The following UBXN4 variants were observed in gnomAD, a reference collection of about 807,000 sequenced individuals.
UBXN4 encodes the protein UBX domain protein 4.
Under a neutral mutation model 66.2 loss-of-function variants are expected in UBXN4, and 35 were observed. That is an observed-to-expected ratio of 0.53 (90% CI 0.40 to 0.70). UBXN4 has a LOEUF of 0.70. Ranked by LOEUF, UBXN4 falls within the 30% of genes least tolerant of loss-of-function variation. The pLI is 0.00. For missense variants in UBXN4, 533 were observed against 599.8 expected (o/e 0.89, Z 1.16); for synonymous variants, 203 against 204.5 (o/e 0.99, Z 0.06).
At chr2:135,773,002 A>G (rs1164983161) in intron 9 of UBXN4, among the ~76,000 whole-genome samples, 1 of 131,744 alleles carries the variant, frequency 7.6e-6, no homozygotes, top group African/African-American at 2.9e-5. Context: ...GCGCCACTGC[A>G]CTCCAGCCTG....
intron 2 of UBXN4, among the ~76,000 whole-genome samples, chr2:135,750,894 C>T (rs1471100919): frequency 5.4e-5 from 6 of 111,996 alleles, no homozygotes; most frequent in East Asian, 3.1e-4. Flanking sequence ...CTTGCTCTGT[C>T]GCCCAGGCTG....
At chr2:135,781,688 G>A (rs2077449636) in intron 12 of UBXN4, among the ~76,000 whole-genome samples, 2 of 152,210 alleles carry the variant, frequency 1.3e-5, no homozygotes. Flanking sequence ...GCTCAAACAA[G>A]GCTGAATCTT....
At chr2:135,743,944 G>A (rs1284369515) in intron 1 of UBXN4, among the ~76,000 whole-genome samples, 1 of 152,136 alleles carries the variant, frequency 6.6e-6, no homozygotes. Context: ...ACTCTTGAAT[G>A]TTTGCAGGAA....
intron 1 of UBXN4, 83 bp from the exon 2 acceptor site, chr2:135,748,184 T>G (rs1443957559): frequency 1.5e-5 from 16 of 1,057,958 alleles, no homozygotes; most frequent in Non-Finnish European, 2.1e-5. Flanking sequence ...TATATTTTAT[T>G]TGAGGTTTCC....
At chr2:135,767,862 A>G (rs2077357605) in intron 6 of UBXN4, among the ~76,000 whole-genome samples, 1 of 152,202 alleles carries the variant, frequency 6.6e-6, no homozygotes. Flanking sequence ...CTTAGCAGTT[A>G]AGACATGTCA....
chr2:135,777,516 CCT>C (rs1253179289), intron 10 of UBXN4, among the ~76,000 whole-genome samples: 3 of 152,140 alleles, frequency 2.0e-5, no homozygotes, highest in Admixed American at 1.3e-4. Context: ...CAATGTGTCC[CCT>C]GTCCTGAGTT....
At chr2:135,770,792 A>G in intron 8 of UBXN4, 57 bp downstream of exon 8, 1 of 1,396,142 alleles carries the variant, frequency 7.2e-7, no homozygotes, top group Non-Finnish European at 9.3e-7. Flanking sequence ...CAGTAGCTTT[A>G]GATTACTACC....
At chr2:135,744,532 T>C (rs1009030240) in intron 1 of UBXN4, among the ~76,000 whole-genome samples, 1 of 152,174 alleles carries the variant, frequency 6.6e-6, no homozygotes, top group Admixed American at 6.5e-5. Flanking sequence ...TGTTGCTAGG[T>C]AGGTAGGCCA....
chr2:135,742,956 A>G (rs1389275702), intron 1 of UBXN4, among the ~76,000 whole-genome samples: 8 of 152,176 alleles, frequency 5.3e-5, no homozygotes, highest in Admixed American at 3.3e-4. Flanking sequence ...ATTTTGCTCC[A>G]TATTCTCCTG....
intron 11 of UBXN4, 78 bp from the exon 12 acceptor site, chr2:135,780,105 A>T: frequency 7.0e-7 from 1 of 1,431,628 alleles, no homozygotes; most frequent in Admixed American, 1.9e-5. Context: ...TTTCCAGATA[A>T]AAGTTTCATC....
chr2:135,781,483 A>G (rs1423327624), intron 12 of UBXN4, among the ~76,000 whole-genome samples: 1 of 152,212 alleles, frequency 6.6e-6, no homozygotes, highest in South Asian at 2.1e-4. Context: ...TGCCAGTCCT[A>G]TGTGATAAGT....
intron 5 of UBXN4, among the ~76,000 whole-genome samples, chr2:135,757,032 A>G (rs1394470383): frequency 6.6e-6 from 1 of 151,630 alleles, no homozygotes; most frequent in East Asian, 1.9e-4. Context: ...GCCTAAGTGT[A>G]TTTTTCTTTG....
chr2:135,757,736 C>T (rs575058124), intron 5 of UBXN4, among the ~76,000 whole-genome samples: 11 of 152,032 alleles, frequency 7.2e-5, no homozygotes, highest in African/African-American at 2.7e-4. Context: ...TCTGGCTTAC[C>T]TGAGGTGAGT....
rs369077398 is a variant in UBXN4, at chr2:135,754,284, A to G, written c.333+7A>G. On this transcript the variant is annotated splice_region_variant and intron_variant, in intron 4 of 12. Coordinates refer to ENST00000272638, the MANE Select transcript of UBXN4 (RefSeq NM_014607.4). ...AATTCACAAGGTCCGACAGGTAAGAAGGAACAGAACTGTTGTTTCCGTAAA... is the reference window on the plus strand; with the variant it reads ...AATTCACAAGGTCCGACAGGTAAGAGGGAACAGAACTGTTGTTTCCGTAAA... 21 of 1,603,916 alleles carry G rather than the reference A, an allele frequency of 1.3e-5. No homozygotes were observed. The highest frequency in any genetic ancestry group is 3.3e-5 in the Admixed American group (2 of 59,854).
chr2:135,758,397 C>G (rs1386071484), intron 5 of UBXN4, among the ~76,000 whole-genome samples: 1 of 151,820 alleles, frequency 6.6e-6, no homozygotes. Context: ...ATATTCTTTG[C>G]AGAGATGGGG....
intron 12 of UBXN4, 96 bp from the exon 13 acceptor site, chr2:135,782,653 C>A: frequency 6.9e-7 from 1 of 1,452,584 alleles, no homozygotes; most frequent in Non-Finnish European, 9.3e-7. Flanking sequence ...AAAAGTAAAA[C>A]TTAGTTGCCT....
rs537471126 is a variant in UBXN4 at position 135,752,288 on chromosome 2, C to A, written c.186-1251C>A. Among the ~76,000 whole-genome samples the A allele has an allele frequency of 2.0e-5, 3 of 152,252 alleles. No individual in the cohort carries two copies. The South Asian group carries it at 6.2e-4, about 32-fold the overall frequency. On this transcript the variant is annotated intron_variant, in intron 2 of 12. Coordinates refer to ENST00000272638, the MANE Select transcript of UBXN4 (RefSeq NM_014607.4). ...GGACTCGAACTCCTGACCTCATAATCCACTTGCCTCGGCCTCCCAAAGTGC... is the reference window on the plus strand; with the variant it reads ...GGACTCGAACTCCTGACCTCATAATACACTTGCCTCGGCCTCCCAAAGTGC...
rs2077468380 is a variant in UBXN4 at position 135,783,897 on chromosome 2, T to C, written c.*1010T>C. On this transcript the variant is annotated 3_prime_UTR_variant, in exon 13 of 13. Transcript: ENST00000272638. The stretch of plus-strand genomic sequence containing the variant: ...TCTTTGTTAGTGGAGACCGCTAAAC[T>C]AATGATGTTTGAAAACAGTTCCTCT... 1 of 152,240 alleles carries C rather than the reference T, an allele frequency of 6.6e-6. No homozygotes were observed. Among genetic ancestry groups the C allele is most frequent in the South Asian group, 2.1e-4 (1 of 4,832 alleles). The allele number at this position is 152,240 out of a possible 1,614,324, so 9.4% of individuals were successfully genotyped here. A position where few individuals can be genotyped will look rare whatever the true frequency, so the allele number is the denominator to read the frequency against.
chr2:135,769,116 C>T (rs1378423734), intron 6 of UBXN4, among the ~76,000 whole-genome samples: 1 of 152,184 alleles, frequency 6.6e-6, no homozygotes, highest in Non-Finnish European at 1.5e-5. Flanking sequence ...ATTCTGTTAC[C>T]TTAGCCCCTA....
Sources: gnomAD v4.1 joint callset for allele counts (sites outside exome capture counted in the v4.1 genomes callset) on GRCh38, gnomAD v4.1.1 for gene constraint, MANE v1.5 for transcripts, NCBI Gene and HGNC (gene_info 2026-07-23, HGNC 2026-07-21) for gene names.